The following SLC25A33 variants were observed in gnomAD, a reference collection of about 807,000 sequenced individuals.
SLC25A33 encodes the protein bone marrow stromal cell mitochondrial carrier protein.
A neutral mutation model predicts 35.5 loss-of-function variants in SLC25A33; 15 were observed. That is an observed-to-expected ratio of 0.42 (90% confidence interval 0.28 to 0.65). SLC25A33 has a LOEUF of 0.65. Among genes scored for constraint, SLC25A33 ranks in the 30% least tolerant of loss-of-function variants. The pLI, the probability that SLC25A33 is intolerant of heterozygous loss-of-function variation, is 0.20. For synonymous variants in SLC25A33, 136 were observed against 148.7 expected, an observed-to-expected ratio of 0.91 and a Z score of 0.62; for missense variants, 257 against 398.5, an observed-to-expected ratio of 0.64 and a Z score of 3.02.
rs768724577 is a variant in SLC25A33 at position 9,570,356 on chromosome 1, C to T, written c.413C>T (p.Ala138Val). 1.2e-6 allele frequency: 2 copies of T among 1,612,752 alleles called. No individual in the cohort carries two copies. Among genetic ancestry groups the T allele is most frequent in the Non-Finnish European group, 1.7e-6 (2 of 1,179,078 alleles). Residue 138 changes from alanine to valine, a missense_variant and splice_region_variant, in exon 4 of 7, where the codon GCA (alanine) becomes GTA (valine). Ala to Val is a moderately conservative substitution (Grantham distance 64). Coordinates refer to ENST00000302692, the MANE Select transcript of SLC25A33 (RefSeq NM_032315.3). ...NIVHIFSAGS[A>V]AFITNSLMNP... Reference sequence around the variant, plus strand: ...GTGCATATTTTCTCAGCTGGCTCTGCAGGTATGTTACCCTAGTGAGTGAAG... The same window carrying T: ...GTGCATATTTTCTCAGCTGGCTCTGTAGGTATGTTACCCTAGTGAGTGAAG...
intron 5 of SLC25A33, among the ~76,000 whole-genome samples, chr1:9,577,573 G>A (rs1314500824): frequency 6.6e-6 from 1 of 152,176 alleles, no homozygotes; most frequent in Non-Finnish European, 1.5e-5. Context: ...ACGTGCATCT[G>A]CGCTGGAGAA....
intron 1 of SLC25A33, among the ~76,000 whole-genome samples, chr1:9,552,910 CTTTTTTTTTTTTTTTT>C (rs58092940): frequency 1.1e-5 from 1 of 94,174 alleles, no homozygotes; most frequent in Non-Finnish European, 2.0e-5. Context: ...GGGATTTCAA[CTTTTTTTTTTTTTTTT>C]TTTTTTTTTG....
chr1:9,571,996 T>C (rs1481904565), intron 4 of SLC25A33, among the ~76,000 whole-genome samples: 1 of 152,228 alleles, frequency 6.6e-6, no homozygotes, highest in Non-Finnish European at 1.5e-5. Context: ...TTGCATCTCC[T>C]ACCAGTCTGT....
At chr1:9,551,339 C>T (rs1220255965) in intron 1 of SLC25A33, among the ~76,000 whole-genome samples, 2 of 152,134 alleles carry the variant, frequency 1.3e-5, no homozygotes, top group African/African-American at 2.4e-5. Context: ...CACCACTGCA[C>T]TCCCAGCCTG....
In SLC25A33 at chr1:9,553,502, G is replaced by A; in HGVS notation, c.57-124G>A. 1.2e-5 allele frequency: 12 copies of A among 1,002,028 alleles called. No individual in the cohort carries two copies. The South Asian group carries it at 1.9e-4, about 16-fold the overall frequency. 62.1% of individuals were successfully genotyped at this position (1,002,028 alleles called of 1,614,324 possible). A position where few individuals can be genotyped will look rare whatever the true frequency, so the allele number is the denominator to read the frequency against. The stretch of plus-strand genomic sequence containing the variant: ...CCCACCTCAGCCTCCCAAAGTGCTG[G>A]GATTACAGGCGTGAGCCACCGCGCC... On this transcript the variant is annotated intron_variant, in intron 1 of 6. Transcript: ENST00000302692.
chr1:9,566,604 T>C (rs1018760007), intron 2 of SLC25A33, among the ~76,000 whole-genome samples: 1 of 152,102 alleles, frequency 6.6e-6, no homozygotes, highest in African/African-American at 2.4e-5. Context: ...CCCAGCACTT[T>C]GTGAGGCTGA....
At position 9,573,226 on chromosome 1, in the gene SLC25A33, T is replaced by C. The variant is rs569288722; in HGVS notation, c.416-120T>C. ...GCAGGATAGAAATATAACTGCTTCCTACTGTCTTTTTATTAGGCCATTGAA... is the reference window on the plus strand; with the variant it reads ...GCAGGATAGAAATATAACTGCTTCCCACTGTCTTTTTATTAGGCCATTGAA... On this transcript the variant is annotated intron_variant, in intron 4 of 6. Coordinates refer to ENST00000302692, the MANE Select transcript of SLC25A33 (RefSeq NM_032315.3). The C allele has an allele frequency of 2.3e-5, 15 of 646,776 alleles. No individual in the cohort carries two copies. The African/African-American group carries it at 2.5e-4, about 11-fold the overall frequency. The allele number at this position is 646,776 out of a possible 1,614,324, so 40.1% of individuals were successfully genotyped here.
At chr1:9,559,538 CAAA>C (rs142510122) in intron 2 of SLC25A33, among the ~76,000 whole-genome samples, 1 of 135,224 alleles carries the variant, frequency 7.4e-6, no homozygotes, top group Non-Finnish European at 1.6e-5. Flanking sequence ...TTAATAGAGG[CAAA>C]AAAAAAAGGT....
In SLC25A33 at chr1:9,562,714, C is replaced by T. The variant is rs999248909; in HGVS notation, c.237-4570C>T. 5.0e-4 allele frequency among the ~76,000 whole-genome samples: 75 copies of T among 151,234 alleles called. 2 individuals carry two copies. Among genetic ancestry groups the T allele is most frequent in the Non-Finnish European group, 2.2e-4 (15 of 67,824 alleles). Reference sequence around the variant, plus strand: ...TACTAAAAATACAAAATTAGCTGGGCGTAGTGGCGGGTGCCTGTAATCCCA... The same window carrying T: ...TACTAAAAATACAAAATTAGCTGGGTGTAGTGGCGGGTGCCTGTAATCCCA... On this transcript the variant is annotated intron_variant, in intron 2 of 6. Coordinates refer to ENST00000302692, the MANE Select transcript of SLC25A33 (RefSeq NM_032315.3).
intron 2 of SLC25A33, among the ~76,000 whole-genome samples, chr1:9,556,695 G>C (rs780302594): frequency 1.3e-5 from 2 of 151,738 alleles, no homozygotes; most frequent in Non-Finnish European, 1.5e-5. Context: ...GTGTGTGTGT[G>C]TGTGTCTGTG....
At chr1:9,558,524 C>T (rs1643377444) in intron 2 of SLC25A33, among the ~76,000 whole-genome samples, 1 of 152,176 alleles carries the variant, frequency 6.6e-6, no homozygotes. Flanking sequence ...TATTAGCCAT[C>T]CAAGAGTAAC....
At chr1:9,565,376 C>T (rs376685452) in intron 2 of SLC25A33, among the ~76,000 whole-genome samples, 1 of 151,634 alleles carries the variant, frequency 6.6e-6, no homozygotes, top group East Asian at 1.9e-4. Context: ...ATTAGCTGGG[C>T]GTGGTGGTGG....
At position 9,582,236 on chromosome 1, in the gene SLC25A33, G is replaced by A; in HGVS notation, c.764-63G>A. 3 of 1,567,808 alleles carry A rather than the reference G, an allele frequency of 1.9e-6. No homozygotes were observed. The highest frequency in any genetic ancestry group is 2.6e-6 in the Non-Finnish European group (3 of 1,138,576). ...GCCTAACCTTGACAGTTTTAAAGTT[G>A]TGTGCTGTGGATTCGTTCCCCATTT... On this transcript the variant is annotated intron_variant, in intron 6 of 6. Coordinates refer to ENST00000302692, the MANE Select transcript of SLC25A33 (RefSeq NM_032315.3). This position sits in a 1 kb window ranked among gnomAD's most constrained non-coding sequence, Gnocchi z 4.0.
At position 9,564,763 on chromosome 1, in the gene SLC25A33, T is replaced by TACAC. The variant is rs1353026811; in HGVS notation, c.237-2520_237-2519insCACA. On this transcript the variant is annotated intron_variant, in intron 2 of 6. Transcript: ENST00000302692. ...AAATATATATATATATATATATATA[T>TACAC]ATACACAAAAATTAGCTGAGCGTGG... Among the ~76,000 whole-genome samples, 216 of 129,634 alleles carry TACAC rather than the reference T, an allele frequency of 1.7e-3. 1 individual carries two copies. The highest frequency in any genetic ancestry group is 6.1e-3 in the African/African-American group (207 of 33,834). The allele number at this position is 129,634 out of a possible 152,430, so 85.0% of individuals were successfully genotyped here.
intron 1 of SLC25A33, among the ~76,000 whole-genome samples, chr1:9,544,681 C>T (rs1292788311): frequency 2.0e-5 from 3 of 152,120 alleles, no homozygotes; most frequent in African/African-American, 7.2e-5. Flanking sequence ...GTTACCAAAC[C>T]TCCAAAGATT....
intron 5 of SLC25A33, chr1:9,577,023 G>C: frequency 1.1e-6 from 1 of 889,828 alleles, no homozygotes; most frequent in Non-Finnish European, 1.8e-6. Context: ...CAACATGCTG[G>C]ATGATTCCTA....
rs201418883 is a variant in SLC25A33, at chr1:9,545,187, GT to G, written c.56+5447del. ...AGAAGGTAGAGGAATGGGGAGGGGAGTTTTTTTGTTTTTGGTGGTTTTTTTT... is the reference window on the plus strand; with the variant it reads ...AGAAGGTAGAGGAATGGGGAGGGGAGTTTTTTGTTTTTGGTGGTTTTTTTT... On this transcript the variant is annotated intron_variant, in intron 1 of 6. Transcript: ENST00000302692. Among the ~76,000 whole-genome samples the G allele has an allele frequency of 2.6e-5, 4 of 151,954 alleles. No homozygotes were observed. The South Asian group carries it at 6.2e-4, about 24-fold the overall frequency.
chr1:9,556,925 T>TTTAATTAA (rs1007684630), intron 2 of SLC25A33, among the ~76,000 whole-genome samples: 20 of 152,216 alleles, frequency 1.3e-4, no homozygotes, highest in African/African-American at 4.8e-4. Flanking sequence ...ATATGAATAC[T>TTTAATTAA]TTAATTAATT....
chr1:9,570,594 T>C (rs150023001), intron 4 of SLC25A33, among the ~76,000 whole-genome samples: 2 of 152,142 alleles, frequency 1.3e-5, no homozygotes, highest in East Asian at 3.9e-4. Context: ...GTTCTATGCA[T>C]GCTACTGGTA....
Sources: gnomAD v4.1 joint callset for allele counts (sites outside exome capture counted in the v4.1 genomes callset) on GRCh38, gnomAD v4.1.1 for gene constraint, Gnocchi (gnomAD v3.1) non-coding constraint, MANE v1.5 for transcripts, NCBI Gene and HGNC (gene_info 2026-07-23, HGNC 2026-07-21) for gene names.